The following ARHGEF7 variants were observed in gnomAD, a reference collection of about 807,000 sequenced individuals.
ARHGEF7 encodes PAK-interacting exchange factor beta.
In ARHGEF7, 33 loss-of-function variants were observed where a neutral mutation model predicts 109.8. The observed-to-expected ratio is 0.30, with a 90% CI of 0.23 to 0.40. The LOEUF (loss-of-function observed/expected upper bound fraction) is 0.40, where lower values mean the gene tolerates loss of function less well. ARHGEF7 is among the 10% of genes least tolerant of loss of function. The pLI is 1.00. For synonymous variants in ARHGEF7, 458 were observed against 424.6 expected (o/e 1.08, Z -0.97); for missense variants, 938 against 1,098.5 (o/e 0.85, Z 2.07).
At chr13:111,200,964 TTTC>T (rs2081146629) in intron 2 of ARHGEF7, among the ~76,000 whole-genome samples, 1 of 152,180 alleles carries the variant, frequency 6.6e-6, no homozygotes, top group Non-Finnish European at 1.5e-5. Flanking sequence ...AAGACATTTT[TTTC>T]TTCTTTGGCT....
In ARHGEF7 at chr13:111,181,029, T is replaced by C. The variant is rs1011299105; in HGVS notation, c.253-24260T>C. 5.9e-5 allele frequency among the ~76,000 whole-genome samples: 9 copies of C among 152,314 alleles called. No individual in the cohort carries two copies. The South Asian group carries it at 1.9e-3, about 32-fold the overall frequency. ...AAGACTTACTACTTGGAAAATAAAT[T>C]GGAGCAGGTGAATGGCCACTTTAAA... On this transcript the variant is annotated intron_variant, in intron 2 of 21. Transcript: ENST00000646102.
At chr13:111,263,985 T>C (rs1024530858) in intron 8 of ARHGEF7, among the ~76,000 whole-genome samples, 5 of 152,222 alleles carry the variant, frequency 3.3e-5, no homozygotes, top group Admixed American at 1.3e-4. Context: ...CATATAGTAG[T>C]TGAAATTAAT....
intron 2 of ARHGEF7, among the ~76,000 whole-genome samples, chr13:111,164,647 G>T (rs1666466564): frequency 1.3e-5 from 2 of 152,322 alleles, no homozygotes; most frequent in Admixed American, 1.3e-4. Context: ...TCAATAACAG[G>T]ATTAAACAGC....
intron 8 of ARHGEF7, among the ~76,000 whole-genome samples, chr13:111,253,608 G>A (rs768389114): frequency 2.6e-5 from 4 of 152,162 alleles, no homozygotes; most frequent in African/African-American, 9.7e-5. Flanking sequence ...CCCTGTTCCC[G>A]TCTCAGATGT....
chr13:111,153,712 A>G (rs1429505803), intron 1 of ARHGEF7, 193 bp from the exon 2 acceptor site: 1 of 1,306,298 alleles, frequency 7.7e-7, no homozygotes, highest in Non-Finnish European at 9.7e-7. Flanking sequence ...CCCCGGAGGA[A>G]GAAAAAAGGG....
At position 111,237,822 on chromosome 13, in the gene ARHGEF7, A is replaced by G. The variant is rs539828564; in HGVS notation, c.759+4529A>G. Among the ~76,000 whole-genome samples the G allele has an allele frequency of 2.6e-5, 4 of 152,372 alleles. No individual in the cohort carries two copies. In the East Asian group the frequency reaches 7.7e-4, roughly 29 times the overall value. ...GATCTCATGGTATTACAAAGTTGAC[A>G]TAGAAGATAGAAGACATTGTGCTAG... On this transcript the variant is annotated intron_variant, in intron 6 of 21. Coordinates refer to ENST00000646102, the MANE Select transcript of ARHGEF7 (RefSeq NM_001354046.2).
At chr13:111,150,043 A>G (rs151278777) in intron 1 of ARHGEF7, among the ~76,000 whole-genome samples, 245 of 152,328 alleles carry the variant, frequency 1.6e-3, no homozygotes, top group Non-Finnish European at 2.5e-3. Context: ...TGTCAGTAAG[A>G]GCAGCACATT....
At chr13:111,240,445 A>G (rs1473778037) in intron 6 of ARHGEF7, among the ~76,000 whole-genome samples, 1 of 152,206 alleles carries the variant, frequency 6.6e-6, no homozygotes, top group African/African-American at 2.4e-5. Context: ...TAAATCAGCA[A>G]CCGTGTGGTC....
chr13:111,133,757 TTTTCTTTATATATATATATA>T (rs1367834133), intron 1 of ARHGEF7, among the ~76,000 whole-genome samples: 1 of 115,836 alleles, frequency 8.6e-6, no homozygotes, highest in Non-Finnish European at 1.7e-5. Flanking sequence ...GAGAATCTGC[TTTTCTTTATATATATATATA>T]TATATATATA....
At chr13:111,197,254 C>T (rs148402945) in intron 2 of ARHGEF7, among the ~76,000 whole-genome samples, 69 of 151,604 alleles carry the variant, frequency 4.6e-4, no homozygotes, top group African/African-American at 1.7e-3. Context: ...CACCTCTTGC[C>T]CAAGAACCCT....
chr13:111,179,264 A>G (rs2078495819), intron 2 of ARHGEF7, among the ~76,000 whole-genome samples: 1 of 151,848 alleles, frequency 6.6e-6, no homozygotes, highest in African/African-American at 2.4e-5. Context: ...GTGTGTTTTT[A>G]GTAGAGACAG....
intron 2 of ARHGEF7, among the ~76,000 whole-genome samples, chr13:111,176,772 T>C (rs1050808186): frequency 1.3e-5 from 2 of 151,966 alleles, no homozygotes; most frequent in Non-Finnish European, 2.9e-5. Flanking sequence ...TTATTTATTT[T>C]TTTAGATGGA....
At chr13:111,171,177 C>T (rs1253077507) in intron 2 of ARHGEF7, among the ~76,000 whole-genome samples, 1 of 152,184 alleles carries the variant, frequency 6.6e-6, no homozygotes, top group African/African-American at 2.4e-5. Flanking sequence ...CTCTGTATAA[C>T]CAAATGGAAT....
At chr13:111,127,595 C>T (rs1464540101) in intron 1 of ARHGEF7, among the ~76,000 whole-genome samples, 2 of 142,028 alleles carry the variant, frequency 1.4e-5, no homozygotes, top group African/African-American at 2.7e-5. Flanking sequence ...TGCAGCGAGC[C>T]GTGATCACAC....
At chr13:111,268,455 A>G (rs1444448694) in intron 9 of ARHGEF7, among the ~76,000 whole-genome samples, 1 of 152,248 alleles carries the variant, frequency 6.6e-6, no homozygotes, top group African/African-American at 2.4e-5. Flanking sequence ...TAAATGGAAA[A>G]GTATTGTTTT....
chr13:111,292,687 A>C (rs1268239500), intron 19 of ARHGEF7: 10 of 1,053,854 alleles, frequency 9.5e-6, no homozygotes, highest in Non-Finnish European at 1.1e-5. Context: ...TACTGAAATC[A>C]CACAGGTTTG....
intron 2 of ARHGEF7, among the ~76,000 whole-genome samples, chr13:111,157,641 C>G (rs1304221828): frequency 6.6e-6 from 1 of 152,118 alleles, no homozygotes; most frequent in Non-Finnish European, 1.5e-5. Flanking sequence ...CTTACTGAGG[C>G]AAACCAAGCA....
At chr13:111,155,868 G>T (rs1055494588) in intron 2 of ARHGEF7, among the ~76,000 whole-genome samples, 17 of 152,268 alleles carry the variant, frequency 1.1e-4, no homozygotes, top group African/African-American at 4.1e-4. Flanking sequence ...ATGAGGTCGG[G>T]AGTTCGAGAC....
At chr13:111,123,884 C>A (rs892298729) in intron 1 of ARHGEF7, among the ~76,000 whole-genome samples, 4 of 151,792 alleles carry the variant, frequency 2.6e-5, no homozygotes, top group Non-Finnish European at 4.4e-5. Flanking sequence ...CGGCCCCGCC[C>A]CCTGCCCCTG....
Sources: gnomAD v4.1 joint callset for allele counts (sites outside exome capture counted in the v4.1 genomes callset) on GRCh38, gnomAD v4.1.1 for gene constraint, MANE v1.5 for transcripts, NCBI Gene and HGNC (gene_info 2026-07-23, HGNC 2026-07-21) for gene names.